The following CNTNAP5 variants were observed in gnomAD, a reference collection of about 807,000 sequenced individuals.
CNTNAP5 encodes contactin-associated protein-like 5.
CNTNAP5 carries 72 observed loss-of-function variants against 150.2 expected under a neutral mutation model. The ratio of observed to expected loss-of-function variants is 0.48; its 90% CI spans 0.40 to 0.58. The LOEUF (loss-of-function observed/expected upper bound fraction) is 0.58. Among genes scored for constraint, CNTNAP5 ranks in the 20% least tolerant of loss-of-function variants. The pLI is 0.00. For missense variants in CNTNAP5, 1,636 were observed against 1,626.2 expected (o/e 1.01, Z -0.10); for synonymous variants, 672 against 619.8 (o/e 1.08, Z -1.25).
intron 11 of CNTNAP5, among the ~76,000 whole-genome samples, chr2:124,573,368 C>T (rs1696209021): frequency 2.0e-5 from 3 of 152,162 alleles, no homozygotes; most frequent in Non-Finnish European, 4.4e-5. Flanking sequence ...TTATCTATGT[C>T]TTTCTCTCCA....
intron 1 of CNTNAP5, among the ~76,000 whole-genome samples, chr2:124,045,278 T>C (rs1264378834): frequency 7.4e-6 from 1 of 136,026 alleles, no homozygotes; most frequent in East Asian, 2.2e-4. Context: ...CAAACTTTGA[T>C]TTTCTTTTCT....
At chr2:124,566,314 C>T (rs372025729) in intron 11 of CNTNAP5, among the ~76,000 whole-genome samples, 3 of 152,158 alleles carry the variant, frequency 2.0e-5, no homozygotes, top group Non-Finnish European at 4.4e-5. Flanking sequence ...AAGCTTATTC[C>T]GCTCACTTTC....
chr2:124,123,442 A>G (rs1466215333), intron 1 of CNTNAP5, among the ~76,000 whole-genome samples: 1 of 152,300 alleles, frequency 6.6e-6, no homozygotes, highest in Non-Finnish European at 1.5e-5. Context: ...CAGCTCAAGG[A>G]GGCCTGCCTG....
chr2:124,797,863 G>T (rs904099666), intron 18 of CNTNAP5, among the ~76,000 whole-genome samples: 13 of 152,134 alleles, frequency 8.5e-5, no homozygotes, highest in African/African-American at 2.7e-4. Context: ...TTCTTTTCTG[G>T]CTATGCAACC....
chr2:124,692,229 T>C (rs1679314212), intron 13 of CNTNAP5, among the ~76,000 whole-genome samples: 1 of 152,016 alleles, frequency 6.6e-6, no homozygotes, highest in African/African-American at 2.4e-5. Context: ...TTCTGAGAAA[T>C]AGTTAACTAT....
At chr2:124,420,560 A>G (rs1331728266) in intron 4 of CNTNAP5, among the ~76,000 whole-genome samples, 2 of 152,174 alleles carry the variant, frequency 1.3e-5, no homozygotes, top group Non-Finnish European at 2.9e-5. Flanking sequence ...ACCCAACCAA[A>G]CACTAATATA....
rs990195466 is a variant in CNTNAP5, at chr2:124,920,748, G to A, written c.*6460G>A. 2.0e-5 allele frequency among the ~76,000 whole-genome samples: 3 copies of A among 152,080 alleles called. No individual in the cohort carries two copies. The highest frequency in any genetic ancestry group is 6.6e-5 in the Admixed American group (1 of 15,250). Reference sequence around the variant, plus strand: ...AAATCTAATTTAGTTCATAGGTTACGGTTTGCTGATTCCTAAGATAGAGCA... The same window carrying A: ...AAATCTAATTTAGTTCATAGGTTACAGTTTGCTGATTCCTAAGATAGAGCA... On this transcript the variant is annotated 3_prime_UTR_variant, in exon 24 of 24. Coordinates refer to ENST00000682447, the MANE Select transcript of CNTNAP5 (RefSeq NM_001367498.1).
chr2:124,737,569 A>G (rs1199927917), intron 13 of CNTNAP5, among the ~76,000 whole-genome samples: 5 of 152,190 alleles, frequency 3.3e-5, no homozygotes, highest in Non-Finnish European at 7.3e-5. Context: ...ACAGGGTTTC[A>G]TGGGCCATGG....
chr2:124,031,288 T>C (rs1442556084), intron 1 of CNTNAP5, among the ~76,000 whole-genome samples: 30 of 152,136 alleles, frequency 2.0e-4, no homozygotes, highest in Admixed American at 1.8e-3. Flanking sequence ...TGAAAGTCTA[T>C]ATTCAATGCG....
intron 4 of CNTNAP5, among the ~76,000 whole-genome samples, chr2:124,421,633 C>T (rs535328343): frequency 1.3e-4 from 20 of 152,282 alleles, no homozygotes; most frequent in South Asian, 6.2e-4. Flanking sequence ...ATCTTTTACA[C>T]GGTCACCAAA....
chr2:124,707,182 A>T (rs574171551), intron 13 of CNTNAP5, among the ~76,000 whole-genome samples: 3 of 149,126 alleles, frequency 2.0e-5, no homozygotes, highest in South Asian at 2.1e-4. Flanking sequence ...AAGAAGAAGA[A>T]GAAGAAGAAG....
At chr2:124,616,559 A>T (rs925820013) in intron 12 of CNTNAP5, among the ~76,000 whole-genome samples, 3 of 152,174 alleles carry the variant, frequency 2.0e-5, no homozygotes, top group African/African-American at 7.2e-5. Context: ...TATCATTCAC[A>T]TGTTCACTGA....
intron 1 of CNTNAP5, among the ~76,000 whole-genome samples, chr2:124,065,168 T>C (rs1033969364): frequency 6.6e-5 from 10 of 152,090 alleles, no homozygotes; most frequent in African/African-American, 2.4e-4. Flanking sequence ...AAGGGGAAAG[T>C]ACAGACACTG....
chr2:124,098,255 T>C (rs4848236), intron 1 of CNTNAP5, among the ~76,000 whole-genome samples: 147,670 of 152,280 alleles, frequency 0.97, 71,757 homozygotes, highest in East Asian at 1. Context: ...CATATATTTA[T>C]TATTTATTAC....
chr2:124,546,339 T>C (rs909062938), intron 10 of CNTNAP5, among the ~76,000 whole-genome samples: 5 of 149,076 alleles, frequency 3.4e-5, no homozygotes, highest in Non-Finnish European at 5.9e-5. Flanking sequence ...AAGAAAAGTG[T>C]GTTTCTTTAC....
intron 10 of CNTNAP5, among the ~76,000 whole-genome samples, chr2:124,556,335 T>C (rs1695755369): frequency 6.6e-6 from 1 of 152,218 alleles, no homozygotes; most frequent in South Asian, 2.1e-4. Context: ...TGTGAGCACA[T>C]GTCAAAGTTT....
intron 1 of CNTNAP5, among the ~76,000 whole-genome samples, chr2:124,051,822 G>T (rs961827801): frequency 6.6e-6 from 1 of 152,144 alleles, no homozygotes; most frequent in Non-Finnish European, 1.5e-5. Context: ...CTGCTAGGGT[G>T]ATTTTGCTTG....
chr2:124,622,099 C>T (rs1208895083), intron 12 of CNTNAP5, among the ~76,000 whole-genome samples: 1 of 152,134 alleles, frequency 6.6e-6, no homozygotes, highest in Non-Finnish European at 1.5e-5. Flanking sequence ...AGCTATTCTT[C>T]CTGATGCTCT....
intron 6 of CNTNAP5, among the ~76,000 whole-genome samples, chr2:124,466,306 T>C (rs146841947): frequency 1.3e-5 from 2 of 152,292 alleles, no homozygotes; most frequent in African/African-American, 4.8e-5. Flanking sequence ...TATCCTATCC[T>C]ATGGCACCAA....
Sources: allele counts gnomAD v4.1 joint callset (sites outside exome capture counted in the v4.1 genomes callset), GRCh38; gene constraint gnomAD v4.1.1; transcripts MANE v1.5; gene names NCBI Gene and HGNC (gene_info 2026-07-23, HGNC 2026-07-21).